ZFHX3: variants seen among roughly 807,000 people sequenced by gnomAD.
ZFHX3 encodes zinc finger homeobox protein 3.
A neutral mutation model predicts 279.1 loss-of-function variants in ZFHX3; 42 were observed. The observed-to-expected ratio is 0.15, with a 90% CI of 0.12 to 0.19. The LOEUF is 0.19. ZFHX3 is among the 10% of genes least tolerant of loss of function. The probability of loss-of-function intolerance (pLI) is 1.00; values close to 1 mark genes in which losing one functional copy is unlikely to be tolerated. For synonymous variants in ZFHX3, 2,293 were observed against 1,957.8 expected (o/e 1.17, Z -4.52); for missense variants, 4,981 against 4,754.0 (o/e 1.05, Z -1.40).
At chr16:73,379,929 T>G (rs1466658475) in intron 3 of ZFHX3, among the ~76,000 whole-genome samples, 1 of 152,140 alleles carries the variant, frequency 6.6e-6, no homozygotes, top group Non-Finnish European at 1.5e-5. Context: ...CACCAGAAAT[T>G]TTGGAGACTA....
intron 2 of ZFHX3, among the ~76,000 whole-genome samples, chr16:73,643,593 T>C (rs908285344): frequency 1.3e-5 from 2 of 152,240 alleles, no homozygotes; most frequent in African/African-American, 4.8e-5. Flanking sequence ...TTTTTCTCTC[T>C]GCTGAAGACT....
chr16:73,438,802 A>G (rs1412773004), intron 3 of ZFHX3, among the ~76,000 whole-genome samples: 1 of 152,204 alleles, frequency 6.6e-6, no homozygotes, highest in Non-Finnish European at 1.5e-5. Flanking sequence ...AATTGCCCCA[A>G]CAATTTTCTT....
intron 5 of ZFHX3, among the ~76,000 whole-genome samples, chr16:73,223,847 C>T (rs1430903047): frequency 1.3e-5 from 2 of 152,156 alleles, no homozygotes; most frequent in African/African-American, 4.8e-5. Context: ...TACACCCAGA[C>T]AATGGGACAT....
chr16:73,085,963 A>T (rs1305682943), intron 8 of ZFHX3, among the ~76,000 whole-genome samples: 2 of 148,902 alleles, frequency 1.3e-5, no homozygotes, highest in Non-Finnish European at 3.0e-5. Flanking sequence ...AGAATATATA[A>T]GGAACTCAAA....
Position 73,249,824 on chromosome 16 carries a change from T to TCACACACACACA in ZFHX3, c.-1104+7211_-1104+7222dup, listed in dbSNP as rs143652574. 5.4e-3 allele frequency among the ~76,000 whole-genome samples: 799 copies of TCACACACACACA among 148,774 alleles called. 6 individuals carry two copies. Among genetic ancestry groups the TCACACACACACA allele is most frequent in the Middle Eastern group, 0.014 (4 of 288 alleles). Reference sequence around the variant, plus strand: ...TGGGCAAATGAATTGAACAGGCACTTCACACACACACACACACACACACAC... The same window carrying TCACACACACACA: ...TGGGCAAATGAATTGAACAGGCACTTCACACACACACACACACACACACACACACACACACAC... On this transcript the variant is annotated intron_variant, in intron 5 of 17. Transcript: ENST00000641206.
At chr16:73,166,743 C>G (rs62052416) in intron 5 of ZFHX3, among the ~76,000 whole-genome samples, 6 of 152,136 alleles carry the variant, frequency 3.9e-5, no homozygotes, top group Non-Finnish European at 7.4e-5. Context: ...AAGAGCATTC[C>G]TCTCTCAAAC....
At chr16:73,196,419 C>T (rs185194071) in intron 5 of ZFHX3, among the ~76,000 whole-genome samples, 89 of 152,204 alleles carry the variant, frequency 5.8e-4, no homozygotes, top group Non-Finnish European at 9.7e-4. Context: ...GACTTCGATA[C>T]AGCCTAGTGA....
intron 1 of ZFHX3, among the ~76,000 whole-genome samples, chr16:73,724,871 AC>A (rs1032971610): frequency 6.6e-6 from 1 of 151,750 alleles, no homozygotes; most frequent in African/African-American, 2.4e-5. Context: ...CTCCACCCCT[AC>A]CCCTCATCAG....
At chr16:73,209,202 C>T (rs1304777431) in intron 5 of ZFHX3, among the ~76,000 whole-genome samples, 3 of 152,098 alleles carry the variant, frequency 2.0e-5, no homozygotes, top group Non-Finnish European at 2.9e-5. Context: ...TAAAACTAAG[C>T]CCATTGCATG....
chr16:73,144,140 A>G (rs1202186060), intron 5 of ZFHX3, among the ~76,000 whole-genome samples: 1 of 152,188 alleles, frequency 6.6e-6, no homozygotes, highest in Non-Finnish European at 1.5e-5. Context: ...TTAATTAAAA[A>G]TCATAAAACA....
At chr16:73,464,898 G>C (rs1567492110) in intron 2 of ZFHX3, among the ~76,000 whole-genome samples, 1 of 152,152 alleles carries the variant, frequency 6.6e-6, no homozygotes, top group Admixed American at 6.5e-5. Context: ...GGTTGATGTT[G>C]TACAGGTCCC....
At chr16:73,064,402 T>C (rs1965721179), upstream of ZFHX3, among the ~76,000 whole-genome samples, 1 of 152,036 alleles carries the variant, frequency 6.6e-6, no homozygotes, top group African/African-American at 2.4e-5. Flanking sequence ...TTCTGAGCCC[T>C]GCCGCCCCTA....
chr16:73,861,813 T>G (rs1961887735), intron 1 of ZFHX3, among the ~76,000 whole-genome samples: 1 of 152,222 alleles, frequency 6.6e-6, no homozygotes, highest in Admixed American at 6.5e-5. Flanking sequence ...TATTTGGTTC[T>G]CTGTACCTTT....
chr16:73,002,401 T>C (rs1418526016), intron 1 of ZFHX3, among the ~76,000 whole-genome samples: 1 of 152,120 alleles, frequency 6.6e-6, no homozygotes, highest in Admixed American at 6.5e-5. Context: ...ATAGAGAAGG[T>C]AGATCAGAGC....
At chr16:73,340,296 A>G (rs1265782328) in intron 3 of ZFHX3, among the ~76,000 whole-genome samples, 2 of 152,244 alleles carry the variant, frequency 1.3e-5, no homozygotes, top group East Asian at 3.9e-4. Context: ...AGCCAAGTGT[A>G]TATGAAAATT....
At chr16:72,976,556 A>C (rs1962356122) in intron 1 of ZFHX3, among the ~76,000 whole-genome samples, 1 of 152,244 alleles carries the variant, frequency 6.6e-6, no homozygotes, top group Non-Finnish European at 1.5e-5. Flanking sequence ...GCTTGCTCTC[A>C]GTAGCGTCCA....
chr16:72,864,814 A>G (rs1412478690), intron 4 of ZFHX3, among the ~76,000 whole-genome samples: 1 of 152,206 alleles, frequency 6.6e-6, no homozygotes, highest in African/African-American at 2.4e-5. Context: ...GGCTATTTGG[A>G]AACATCCAGA....
chr16:73,485,900 C>A (rs1039980100), intron 2 of ZFHX3, among the ~76,000 whole-genome samples: 4 of 152,116 alleles, frequency 2.6e-5, no homozygotes, highest in African/African-American at 4.8e-5. Context: ...TGCCTAGTGC[C>A]GGAACTTATG....
intron 1 of ZFHX3, among the ~76,000 whole-genome samples, chr16:73,022,447 T>C (rs2144653846): frequency 6.6e-6 from 1 of 152,194 alleles, no homozygotes; most frequent in African/African-American, 2.4e-5. Flanking sequence ...ACCACTGATA[T>C]TCAGGCTGTG....
Sources: allele counts gnomAD v4.1 joint callset (sites outside exome capture counted in the v4.1 genomes callset), GRCh38; gene constraint gnomAD v4.1.1; transcripts MANE v1.5; gene names NCBI Gene and HGNC (gene_info 2026-07-23, HGNC 2026-07-21).